Variants in OTUD7A observed in about 807,000 individuals in gnomAD.
OTUD7A encodes the protein OTU domain-containing protein 7A.
A neutral mutation model predicts 65.7 loss-of-function variants in OTUD7A; 12 were observed. That is an observed-to-expected ratio of 0.18 (90% CI 0.12 to 0.30). The LOEUF is 0.30. Ranked by LOEUF, OTUD7A falls within the 10% of genes least tolerant of loss-of-function variation. OTUD7A has a pLI of 1.00. For missense variants in OTUD7A, 1,148 were observed against 1,304.8 expected, an observed-to-expected ratio of 0.88 and a Z score of 1.85; for synonymous variants, 641 against 586.3, an observed-to-expected ratio of 1.09 and a Z score of -1.35.
chr15:31,512,043 T>C (rs1182848524), intron 8 of OTUD7A, among the ~76,000 whole-genome samples: 1 of 152,194 alleles, frequency 6.6e-6, no homozygotes, highest in African/African-American at 2.4e-5. Context: ...TCCTAAGGAA[T>C]GTTTTACTGC....
intron 5 of OTUD7A, among the ~76,000 whole-genome samples, chr15:31,553,581 G>A (rs1888395857): frequency 6.6e-6 from 1 of 151,920 alleles, no homozygotes; most frequent in Non-Finnish European, 1.5e-5. Context: ...TCTTCTTCTT[G>A]CCCTTCCTCC....
chr15:31,524,120 T>C (rs1259066800), intron 8 of OTUD7A, among the ~76,000 whole-genome samples: 2 of 152,002 alleles, frequency 1.3e-5, no homozygotes, highest in Non-Finnish European at 2.9e-5. Context: ...GCATATGCTC[T>C]GTCCTCTTCT....
At position 31,481,348 on chromosome 15, in the gene OTUD7A, C is replaced by T. The variant is rs1455053539; in HGVS notation, c.*1946G>A. ...ACCTGAAGCAACACTTTCTGTGATCCCACAGCTTTGGATGCCAAAGCAGCT... is the reference window on the plus strand; with the variant it reads ...ACCTGAAGCAACACTTTCTGTGATCTCACAGCTTTGGATGCCAAAGCAGCT... On this transcript the variant is annotated 3_prime_UTR_variant, in exon 13 of 13. Transcript: ENST00000307050. The T allele has an allele frequency of 6.6e-6, 1 of 152,192 alleles. No individual in the cohort carries two copies. The highest frequency in any genetic ancestry group is 6.5e-5 in the Admixed American group (1 of 15,280). 9.4% of individuals were successfully genotyped at this position (152,192 alleles called of 1,614,324 possible).
chr15:31,592,592 T>C (rs1183077984), intron 3 of OTUD7A, among the ~76,000 whole-genome samples: 5 of 151,780 alleles, frequency 3.3e-5, no homozygotes, highest in South Asian at 2.1e-4. Flanking sequence ...TAAAAAAATA[T>C]ATAAGTAGGG....
At chr15:31,558,789 A>G in intron 5 of OTUD7A, 180 bp downstream of exon 5, 1 of 675,600 alleles carries the variant, frequency 1.5e-6, no homozygotes, top group Middle Eastern at 2.8e-4. Context: ...CATCCAGCCC[A>G]TGCTGGCTAG....
intron 10 of OTUD7A, among the ~76,000 whole-genome samples, chr15:31,489,862 C>T (rs1286789696): frequency 6.6e-6 from 1 of 152,208 alleles, no homozygotes; most frequent in African/African-American, 2.4e-5. Context: ...CTCCAGTGCA[C>T]GGTGGGAATA....
chr15:31,491,043 A>G (rs1459814218), intron 10 of OTUD7A, among the ~76,000 whole-genome samples: 1 of 152,192 alleles, frequency 6.6e-6, no homozygotes, highest in East Asian at 1.9e-4. Context: ...CAGGAATAAA[A>G]GTGATTTACT....
At chr15:31,789,136 G>A (rs7175668) in intron 1 of OTUD7A, among the ~76,000 whole-genome samples, 150,476 of 152,310 alleles carry the variant, frequency 0.99, 74,366 homozygotes, top group East Asian at 1. Context: ...CATTGTAAGT[G>A]CTATGTAATA....
chr15:31,803,384 T>C (rs912860633), intron 1 of OTUD7A, among the ~76,000 whole-genome samples: 4 of 152,210 alleles, frequency 2.6e-5, no homozygotes, highest in Non-Finnish European at 5.9e-5. Flanking sequence ...CCTTAAAGAT[T>C]GTATATTTTA....
At chr15:31,796,254 C>G (rs984544693) in intron 1 of OTUD7A, among the ~76,000 whole-genome samples, 1 of 150,792 alleles carries the variant, frequency 6.6e-6, no homozygotes, top group Non-Finnish European at 1.5e-5. Flanking sequence ...TGTCTTCTAT[C>G]TTTCTAGAGA....
intron 3 of OTUD7A, among the ~76,000 whole-genome samples, chr15:31,634,110 G>T (rs1891263901): frequency 6.6e-6 from 1 of 152,146 alleles, no homozygotes; most frequent in South Asian, 2.1e-4. Flanking sequence ...TCCCAGGAGA[G>T]ACCTGGGCAC....
chr15:31,529,255 T>C lies in OTUD7A; in HGVS notation c.652+1452A>G, dbSNP rs148917372. ...AGGTTTTAGAAAGAACAAGGCAAAA[T>C]ATGCTCAATAACAGGGGAATAGTTA... On this transcript the variant is annotated intron_variant, in intron 6 of 12. Coordinates refer to ENST00000307050, the MANE Select transcript of OTUD7A (RefSeq NM_001382637.1). Among the ~76,000 whole-genome samples, 3 of 152,290 alleles carry C rather than the reference T, an allele frequency of 2.0e-5. No homozygotes were observed. In the East Asian group the frequency reaches 5.8e-4, roughly 29 times the overall value.
chr15:31,728,347 G>A (rs1234953186), intron 1 of OTUD7A, among the ~76,000 whole-genome samples: 1 of 152,156 alleles, frequency 6.6e-6, no homozygotes, highest in Non-Finnish European at 1.5e-5. Flanking sequence ...GCACAGAGCA[G>A]CTGAGATGGC....
chr15:31,717,636 A>G (rs1566986424), intron 1 of OTUD7A, among the ~76,000 whole-genome samples: 1 of 152,190 alleles, frequency 6.6e-6, no homozygotes, highest in Non-Finnish European at 1.5e-5. Context: ...TATCCAATCT[A>G]TCACTGATAG....
At chr15:31,767,649 C>T in intron 1 of OTUD7A, 1 of 759,252 alleles carries the variant, frequency 1.3e-6, no homozygotes, top group Non-Finnish European at 2.5e-6. Context: ...CTCCAAACTT[C>T]TTCAACGTCT....
At chr15:31,768,759 A>G (rs1895155173) in intron 1 of OTUD7A, among the ~76,000 whole-genome samples, 1 of 152,186 alleles carries the variant, frequency 6.6e-6, no homozygotes, top group Non-Finnish European at 1.5e-5. Context: ...AGGGACCTAT[A>G]TGGTGGTAAG....
At chr15:31,693,269 T>C (rs878856951) in intron 1 of OTUD7A, among the ~76,000 whole-genome samples, 8 of 152,248 alleles carry the variant, frequency 5.3e-5, no homozygotes, top group South Asian at 2.1e-4. Flanking sequence ...TCTAAGATAC[T>C]GTAAGTCCAA....
At chr15:31,620,139 C>A (rs1890731298) in intron 3 of OTUD7A, among the ~76,000 whole-genome samples, 1 of 152,160 alleles carries the variant, frequency 6.6e-6, no homozygotes, top group Non-Finnish European at 1.5e-5. Context: ...GGTGGACAAG[C>A]TTTTTGAGGT....
chr15:31,773,791 C>G (rs1179816291), intron 1 of OTUD7A, among the ~76,000 whole-genome samples: 1 of 152,152 alleles, frequency 6.6e-6, no homozygotes, highest in East Asian at 1.9e-4. Flanking sequence ...TTGCAGTCGA[C>G]CAACAGATGC....
Sources: allele counts gnomAD v4.1 joint callset (sites outside exome capture counted in the v4.1 genomes callset), GRCh38; gene constraint gnomAD v4.1.1; transcripts MANE v1.5; gene names NCBI Gene and HGNC (gene_info 2026-07-23, HGNC 2026-07-21).